Variants in AGBL4 observed in about 807,000 individuals in gnomAD.
The protein encoded by AGBL4 is AGBL carboxypeptidase 4.
AGBL4 carries 58 observed loss-of-function variants against 66.4 expected under a neutral mutation model. The observed-to-expected ratio is 0.87, with a 90% CI of 0.71 to 1.09. The LOEUF is 1.09. Ranked by LOEUF, AGBL4 falls within the 50% of genes least tolerant of loss-of-function variation. The pLI is 0.00. For missense variants in AGBL4, 579 were observed against 631.0 expected, an observed-to-expected ratio of 0.92 and a Z score of 0.88; for synonymous variants, 234 against 222.9, an observed-to-expected ratio of 1.05 and a Z score of -0.44.
rs569537133 is a variant in AGBL4 at position 48,605,752 on chromosome 1, T to C, written c.952-14767A>G. 2.7e-4 allele frequency among the ~76,000 whole-genome samples: 41 copies of C among 152,314 alleles called. No homozygotes were observed. The South Asian group carries it at 8.5e-3, about 32-fold the overall frequency. ...TGAACTAATGATGGAGAAGATATTA[T>C]CTTTGAGCAGAGACTCTCTCCATCC... On this transcript the variant is annotated intron_variant, in intron 9 of 13. Transcript: ENST00000371839.
intron 6 of AGBL4, among the ~76,000 whole-genome samples, chr1:48,753,413 G>C (rs1424973233): frequency 6.6e-6 from 1 of 152,228 alleles, no homozygotes; most frequent in Non-Finnish European, 1.5e-5. Context: ...GAGAAAACCA[G>C]CAAGAAGCAT....
At chr1:49,066,537 G>A (rs1297984096) in intron 4 of AGBL4, among the ~76,000 whole-genome samples, 1 of 152,162 alleles carries the variant, frequency 6.6e-6, no homozygotes, top group African/African-American at 2.4e-5. Context: ...TGGTGACAGA[G>A]CAAGACTCTG....
chr1:49,822,856 G>A (rs896288673), intron 2 of AGBL4, among the ~76,000 whole-genome samples: 7 of 152,016 alleles, frequency 4.6e-5, no homozygotes, highest in African/African-American at 1.4e-4. Context: ...TATTCTACCT[G>A]GGCACACAAA....
intron 3 of AGBL4, among the ~76,000 whole-genome samples, chr1:49,615,895 T>G (rs909507759): frequency 2.6e-5 from 4 of 152,156 alleles, no homozygotes; most frequent in Admixed American, 2.6e-4. Flanking sequence ...TGGATCTCCC[T>G]TAGCTAGAAA....
chr1:49,577,618 G>A (rs1372386946), intron 3 of AGBL4, among the ~76,000 whole-genome samples: 1 of 152,128 alleles, frequency 6.6e-6, no homozygotes, highest in East Asian at 1.9e-4. Flanking sequence ...TACCATCCAT[G>A]GACTCAAGGA....
intron 4 of AGBL4, among the ~76,000 whole-genome samples, chr1:49,101,769 A>G (rs1645206708): frequency 1.3e-5 from 2 of 152,102 alleles, no homozygotes; most frequent in Admixed American, 6.6e-5. Context: ...GTTCTGTTCC[A>G]TTTTCAATCT....
intron 1 of AGBL4, among the ~76,000 whole-genome samples, chr1:49,948,003 T>TATATAAATATATATATAC (rs1655458720): frequency 1.1e-5 from 1 of 90,096 alleles, no homozygotes; most frequent in Non-Finnish European, 1.9e-5. Flanking sequence ...TATATAAATA[T>TATATAAATATATATATAC]ATATAAATAT....
At chr1:49,605,430 G>A (rs1490099391) in intron 3 of AGBL4, among the ~76,000 whole-genome samples, 1 of 152,090 alleles carries the variant, frequency 6.6e-6, no homozygotes, top group African/African-American at 2.4e-5. Flanking sequence ...CACAGAAAAG[G>A]GGATGGTGGG....
chr1:49,277,487 T>C (rs1226669123), intron 3 of AGBL4, among the ~76,000 whole-genome samples: 1 of 152,174 alleles, frequency 6.6e-6, no homozygotes, highest in Non-Finnish European at 1.5e-5. Context: ...TCAAAACTTG[T>C]CTCCACCACT....
chr1:49,511,589 A>G (rs1400664040), intron 3 of AGBL4, among the ~76,000 whole-genome samples: 2 of 151,814 alleles, frequency 1.3e-5, no homozygotes, highest in East Asian at 3.9e-4. Context: ...CATGTACCCT[A>G]AAACTTAAAG....
intron 3 of AGBL4, among the ~76,000 whole-genome samples, chr1:49,317,034 T>A (rs1371677467): frequency 6.6e-6 from 1 of 151,982 alleles, no homozygotes; most frequent in Non-Finnish European, 1.5e-5. Flanking sequence ...TATAGCATTT[T>A]ACATTTTTGT....
At chr1:49,919,773 A>C (rs1184364322) in intron 1 of AGBL4, among the ~76,000 whole-genome samples, 1 of 152,196 alleles carries the variant, frequency 6.6e-6, no homozygotes, top group South Asian at 2.1e-4. Flanking sequence ...AAGAGCCCGC[A>C]TTGCCAAGAC....
rs74227990 is a variant in AGBL4 at position 49,871,478 on chromosome 1, T to C, written c.35-19960A>G. ...TATATAATGACCTGTGATCCTATTC[T>C]GTTATATCAAGTGTTTTAAAGTTTT... On this transcript the variant is annotated intron_variant, in intron 1 of 13. Transcript: ENST00000371839. Among the ~76,000 whole-genome samples, 356 of 152,230 alleles carry C rather than the reference T, an allele frequency of 2.3e-3. 13 individuals carry two copies. The East Asian group carries it at 0.062, about 26-fold the overall frequency.
intron 3 of AGBL4, among the ~76,000 whole-genome samples, chr1:49,682,635 C>G (rs1646717094): frequency 1.3e-5 from 2 of 152,168 alleles, no homozygotes; most frequent in South Asian, 4.1e-4. Context: ...GACGAAGGCC[C>G]TAGAGCAGGA....
intron 2 of AGBL4, among the ~76,000 whole-genome samples, chr1:49,710,877 T>G (rs1203694845): frequency 1.3e-5 from 2 of 151,700 alleles, no homozygotes; most frequent in African/African-American, 4.8e-5. Flanking sequence ...AGAACTCTTA[T>G]GAAGCAAAAA....
intron 3 of AGBL4, among the ~76,000 whole-genome samples, chr1:49,393,364 G>A (rs1644889654): frequency 6.6e-6 from 1 of 152,130 alleles, no homozygotes; most frequent in African/African-American, 2.4e-5. Flanking sequence ...TGGAGAGGCT[G>A]GAAGATTGTA....
At chr1:48,737,528 T>C (rs1381305596) in intron 6 of AGBL4, among the ~76,000 whole-genome samples, 1 of 152,130 alleles carries the variant, frequency 6.6e-6, no homozygotes, top group African/African-American at 2.4e-5. Flanking sequence ...CTGGATTTCA[T>C]CTCAAAGTTC....
At chr1:48,949,208 C>G (rs749055411) in intron 5 of AGBL4, among the ~76,000 whole-genome samples, 2 of 152,150 alleles carry the variant, frequency 1.3e-5, no homozygotes, top group Non-Finnish European at 2.9e-5. Flanking sequence ...AAGGAAGGAT[C>G]AGGGGGCACT....
intron 3 of AGBL4, among the ~76,000 whole-genome samples, chr1:49,355,072 G>T (rs1020412072): frequency 7.2e-5 from 11 of 152,154 alleles, no homozygotes; most frequent in African/African-American, 2.7e-4. Context: ...GAAAAACCAT[G>T]CAGACACGGG....
Sources: gnomAD v4.1 joint callset for allele counts (sites outside exome capture counted in the v4.1 genomes callset) on GRCh38, gnomAD v4.1.1 for gene constraint, MANE v1.5 for transcripts, NCBI Gene and HGNC (gene_info 2026-07-23, HGNC 2026-07-21) for gene names.